Variants in SLC4A5 observed in about 807,000 individuals in gnomAD.
SLC4A5 encodes the protein solute carrier family 4 member 5.
SLC4A5 carries 96 observed loss-of-function variants against 120.4 expected under a neutral mutation model. The ratio of observed to expected loss-of-function variants is 0.80; its 90% CI spans 0.68 to 0.94. The LOEUF (loss-of-function observed/expected upper bound fraction) is 0.94. SLC4A5 is among the 40% of genes least tolerant of loss of function. The pLI is 0.00. For missense variants in SLC4A5, 1,259 were observed against 1,459.5 expected, an observed-to-expected ratio of 0.86 and a Z score of 2.24; for synonymous variants, 550 against 571.1, an observed-to-expected ratio of 0.96 and a Z score of 0.53.
intron 16 of SLC4A5, 107 bp from the exon 17 acceptor site, chr2:74,250,624 C>T: frequency 7.5e-7 from 1 of 1,338,048 alleles, no homozygotes; most frequent in Non-Finnish European, 1.0e-6. Flanking sequence ...GGAACTTGAC[C>T]AGGGTGGATG....
chr2:74,246,897 C>A (rs1458892843), intron 19 of SLC4A5, 139 bp downstream of exon 19: 2 of 1,126,464 alleles, frequency 1.8e-6, no homozygotes, highest in Non-Finnish European at 2.5e-6. Flanking sequence ...GGTTCAAGAC[C>A]CTGTATTTGC....
Position 74,248,208 on chromosome 2 carries a change from C to A in SLC4A5, c.1787+145G>T, listed in dbSNP as rs1156951384. ...GGTAGCTGGCAGGAGTCAGGAGGGGCCACCTGGTAGCCCTTCCCATAGTTA... is the reference window on the plus strand; with the variant it reads ...GGTAGCTGGCAGGAGTCAGGAGGGGACACCTGGTAGCCCTTCCCATAGTTA... On this transcript the variant is annotated intron_variant, in intron 18 of 30. Transcript: ENST00000394019. 2.0e-5 allele frequency: 22 copies of A among 1,125,564 alleles called. 1 individual carries two copies. Among genetic ancestry groups the A allele is most frequent in the Non-Finnish European group, 2.6e-5 (21 of 793,614 alleles). The allele number at this position is 1,125,564 out of a possible 1,614,324, so 69.7% of individuals were successfully genotyped here. A position where few individuals can be genotyped will look rare whatever the true frequency, so the allele number is the denominator to read the frequency against.
At chr2:74,304,167 C>T (rs1672563699) in intron 7 of SLC4A5, among the ~76,000 whole-genome samples, 1 of 152,176 alleles carries the variant, frequency 6.6e-6, no homozygotes, top group Admixed American at 6.5e-5. Flanking sequence ...ATTATTGGTT[C>T]TTAGGGCAAT....
At chr2:74,328,648 C>G (rs1011659413) in intron 4 of SLC4A5, among the ~76,000 whole-genome samples, 2 of 152,138 alleles carry the variant, frequency 1.3e-5, no homozygotes, top group Non-Finnish European at 2.9e-5. Context: ...TTCCAGGAAC[C>G]TACAGATACG....
At chr2:74,253,151 A>G in intron 14 of SLC4A5, 23 bp from the exon 15 acceptor site, 2 of 1,613,598 alleles carry the variant, frequency 1.2e-6, no homozygotes, top group Non-Finnish European at 1.7e-6. Context: ...GAGGAGGGAG[A>G]AAAGAAAGAT....
At chr2:74,237,841 C>T (rs1670316019) in intron 21 of SLC4A5, among the ~76,000 whole-genome samples, 1 of 152,132 alleles carries the variant, frequency 6.6e-6, no homozygotes, top group Admixed American at 6.5e-5. Flanking sequence ...GTGGCTCACA[C>T]CTGTAATCCC....
chr2:74,320,007 AAGAC>A (rs1673057027), intron 5 of SLC4A5, among the ~76,000 whole-genome samples: 1 of 152,208 alleles, frequency 6.6e-6, no homozygotes, highest in Non-Finnish European at 1.5e-5. Context: ...TTTAAAGAAT[AAGAC>A]AGAACTTTTC....
chr2:74,322,871 C>T (rs1291142386), intron 5 of SLC4A5, among the ~76,000 whole-genome samples: 1 of 152,086 alleles, frequency 6.6e-6, no homozygotes, highest in Non-Finnish European at 1.5e-5. Context: ...TAGAGTAAAA[C>T]AATCAGAAAC....
chr2:74,227,663 T>G, intron 26 of SLC4A5, 147 bp downstream of exon 26: 2 of 1,153,678 alleles, frequency 1.7e-6, no homozygotes, highest in Non-Finnish European at 2.5e-6. Flanking sequence ...CATCAGTAAG[T>G]GGTAGTATCA....
intron 23 of SLC4A5, 77 bp from the exon 24 acceptor site, chr2:74,232,724 T>C (rs1042607781): frequency 1.8e-5 from 27 of 1,539,760 alleles, no homozygotes; most frequent in Non-Finnish European, 2.2e-5. Flanking sequence ...CTGTGGAACA[T>C]GGTTCAAGGA....
At chr2:74,316,539 T>C (rs957951027) in intron 5 of SLC4A5, among the ~76,000 whole-genome samples, 2 of 152,044 alleles carry the variant, frequency 1.3e-5, no homozygotes, top group Non-Finnish European at 2.9e-5. Flanking sequence ...ATGTTAAAAT[T>C]GAGAATAAGA....
intron 6 of SLC4A5, among the ~76,000 whole-genome samples, chr2:74,312,128 T>C (rs1384200129): frequency 6.6e-6 from 1 of 152,222 alleles, no homozygotes; most frequent in Non-Finnish European, 1.5e-5. Context: ...ATACCTATTC[T>C]TGCTTTCTTT....
At position 74,252,362 on chromosome 2, in the gene SLC4A5, A is replaced by G. The variant is rs774813591; in HGVS notation, c.1295T>C (p.Leu432Pro). ...TCCCACAGAGCCATTCATCTGGCCC[A>G]GCTCTGCTAGGGAGAACACAGATTT... Residue 432 changes from leucine (L) to proline (P), a missense_variant, in exon 16 of 31, where the codon CTG becomes CCG. Transcript: ENST00000394019. 2.5e-6 allele frequency: 4 copies of G among 1,613,720 alleles called. No homozygotes were observed. In the Admixed American group the frequency reaches 6.7e-5, roughly 27 times the overall value.
At chr2:74,302,090 C>T (rs1447620457) in intron 7 of SLC4A5, among the ~76,000 whole-genome samples, 1 of 152,062 alleles carries the variant, frequency 6.6e-6, no homozygotes, top group Non-Finnish European at 1.5e-5. Flanking sequence ...CTTCCTGGGG[C>T]CCTACAAATA....
chr2:74,308,017 G>A (rs1189061794), intron 6 of SLC4A5: 2 of 538,904 alleles, frequency 3.7e-6, no homozygotes, highest in African/African-American at 3.9e-5. Flanking sequence ...ATGCTGTCCG[G>A]GGAGGAGAGT....
At chr2:74,265,462 A>G (rs1439028494) in intron 8 of SLC4A5, among the ~76,000 whole-genome samples, 198 bp from the exon 9 acceptor site, 1 of 152,220 alleles carries the variant, frequency 6.6e-6, no homozygotes, top group Non-Finnish European at 1.5e-5. Flanking sequence ...CATGTGAAGG[A>G]AAGTGGCATC....
At chr2:74,253,448 C>A (rs1199250624) in intron 14 of SLC4A5, among the ~76,000 whole-genome samples, 3 of 152,198 alleles carry the variant, frequency 2.0e-5, no homozygotes, top group African/African-American at 7.2e-5. Flanking sequence ...CTTTGTAGAG[C>A]CCAGTCCAAG....
At chr2:74,320,649 G>A (rs1330833590) in intron 5 of SLC4A5, among the ~76,000 whole-genome samples, 7 of 152,102 alleles carry the variant, frequency 4.6e-5, no homozygotes, top group Non-Finnish European at 7.4e-5. Flanking sequence ...AGTGACTGAA[G>A]GAGGAACTCT....
chr2:74,223,908 T>C (rs1442660211), intron 28 of SLC4A5, among the ~76,000 whole-genome samples: 3 of 152,180 alleles, frequency 2.0e-5, no homozygotes, highest in Non-Finnish European at 2.9e-5. Flanking sequence ...ACAGGTTTCA[T>C]CTGCACAAGG....
Sources: gnomAD v4.1 joint callset for allele counts (sites outside exome capture counted in the v4.1 genomes callset) on GRCh38, gnomAD v4.1.1 for gene constraint, MANE v1.5 for transcripts, NCBI Gene and HGNC (gene_info 2026-07-23, HGNC 2026-07-21) for gene names.